Variants in NKAIN2 observed in about 807,000 individuals in gnomAD.
NKAIN2 encodes the protein sodium/potassium-transporting ATPase subunit beta-1-interacting protein 2.
A neutral mutation model predicts 32.6 loss-of-function variants in NKAIN2; 14 were observed. The ratio of observed to expected loss-of-function variants is 0.43; its 90% CI spans 0.28 to 0.67. The LOEUF (loss-of-function observed/expected upper bound fraction) is 0.67. NKAIN2 is among the 30% of genes least tolerant of loss of function. The pLI is 0.17. For missense variants in NKAIN2, 198 were observed against 258.3 expected (o/e 0.77, Z 1.60); for synonymous variants, 80 against 87.2 (o/e 0.92, Z 0.46).
chr6:124,266,053 A>G lies in NKAIN2; in HGVS notation c.55-16952A>G, dbSNP rs531699711. On this transcript the variant is annotated intron_variant, in intron 1 of 6. Coordinates refer to ENST00000368417, the MANE Select transcript of NKAIN2 (RefSeq NM_001040214.3). ...CTTAGTTATGATTTTTATTCTGTCT[A>G]CTTGATTGTTCACACCTGAAGCAAA... is the stretch of plus-strand genomic sequence containing the variant. 3.3e-5 allele frequency among the ~76,000 whole-genome samples: 5 copies of G among 152,300 alleles called. No homozygotes were observed. In the East Asian group the frequency reaches 5.8e-4, roughly 18 times the overall value.
At chr6:124,359,351 A>G (rs1229334384) in intron 3 of NKAIN2, among the ~76,000 whole-genome samples, 1 of 152,126 alleles carries the variant, frequency 6.6e-6, no homozygotes, top group Non-Finnish European at 1.5e-5. Context: ...GAATCTATAA[A>G]TTACCTTGGG....
intron 3 of NKAIN2, among the ~76,000 whole-genome samples, chr6:124,368,851 T>C (rs1242579565): frequency 6.6e-6 from 1 of 152,200 alleles, no homozygotes; most frequent in Non-Finnish European, 1.5e-5. Context: ...TTACCCAACA[T>C]TTCTTTCTCA....
At chr6:124,761,169 T>G (rs1175526509) in intron 4 of NKAIN2, among the ~76,000 whole-genome samples, 1 of 152,224 alleles carries the variant, frequency 6.6e-6, no homozygotes, top group Non-Finnish European at 1.5e-5. Flanking sequence ...AAATTCCTTA[T>G]AGTAACCAAC....
chr6:124,075,280 G>A (rs766095808), intron 1 of NKAIN2, among the ~76,000 whole-genome samples: 1 of 152,076 alleles, frequency 6.6e-6, no homozygotes, highest in Non-Finnish European at 1.5e-5. Flanking sequence ...GAAAAGTTGG[G>A]TAGATTTTCA....
At position 124,111,605 on chromosome 6, in the gene NKAIN2, CT is replaced by C. The variant is rs975821722; in HGVS notation, c.55-171392del. Among the ~76,000 whole-genome samples, 8 of 151,584 alleles carry C rather than the reference CT, an allele frequency of 5.3e-5. No individual in the cohort carries two copies. The East Asian group carries it at 7.7e-4, about 15-fold the overall frequency. On this transcript the variant is annotated intron_variant, in intron 1 of 6. Coordinates refer to ENST00000368417, the MANE Select transcript of NKAIN2 (RefSeq NM_001040214.3). The stretch of plus-strand genomic sequence containing the variant: ...ATGTGTGTCCTTAAATCTAAAGTTT[CT>C]TTTTTTTAATCTGTTCAGTCACTCT...
intron 6 of NKAIN2, chr6:124,819,245 C>T (rs924112556): frequency 1.9e-5 from 5 of 264,462 alleles, no homozygotes; most frequent in Non-Finnish European, 2.9e-5. Context: ...TTGTCCTCCA[C>T]CATTGAATCA....
Position 124,130,612 on chromosome 6 carries a change from A to AT in NKAIN2, c.55-152379dup, listed in dbSNP as rs11320716. On this transcript the variant is annotated intron_variant, in intron 1 of 6. Coordinates refer to ENST00000368417, the MANE Select transcript of NKAIN2 (RefSeq NM_001040214.3). The stretch of plus-strand genomic sequence containing the variant: ...GTAAGTGAATTTAATGTTTGCCCTT[A>AT]TTTTTTTTTTTTTTGGTAGAATGTT... 1.9e-3 allele frequency among the ~76,000 whole-genome samples: 276 copies of AT among 145,586 alleles called. 1 individual carries two copies. Among genetic ancestry groups the AT allele is most frequent in the South Asian group, 8.9e-3 (41 of 4,612 alleles).
At position 124,442,457 on chromosome 6, in the gene NKAIN2, C is replaced by T. The variant is rs548036411; in HGVS notation, c.273+87110C>T. On this transcript the variant is annotated intron_variant, in intron 3 of 6. Transcript: ENST00000368417. ...CTTCTGCCAGCTAGTTATAAAGGAC[C>T]TCCCTCCCATTCAGCCATATGAATT... Among the ~76,000 whole-genome samples the T allele has an allele frequency of 3.9e-5, 6 of 152,136 alleles. No homozygotes were observed. In the East Asian group the frequency reaches 1.2e-3, roughly 29 times the overall value.
chr6:124,182,164 C>A (rs915649034), intron 1 of NKAIN2, among the ~76,000 whole-genome samples: 1 of 152,072 alleles, frequency 6.6e-6, no homozygotes, highest in African/African-American at 2.4e-5. Flanking sequence ...TTTATAAAAC[C>A]ATCGTATCTC....
chr6:123,982,925 C>A (rs1487252650), intron 1 of NKAIN2, among the ~76,000 whole-genome samples: 1 of 151,994 alleles, frequency 6.6e-6, no homozygotes, highest in African/African-American at 2.4e-5. Context: ...TCCCATTTTC[C>A]CCTTCTCTCT....
intron 1 of NKAIN2, among the ~76,000 whole-genome samples, chr6:124,113,665 A>G (rs1169355080): frequency 6.6e-6 from 1 of 151,764 alleles, no homozygotes; most frequent in East Asian, 1.9e-4. Flanking sequence ...GGAACTGAAC[A>G]TGGGATCCAA....
chr6:124,064,493 T>C (rs1001011176), intron 1 of NKAIN2, among the ~76,000 whole-genome samples: 4 of 151,932 alleles, frequency 2.6e-5, no homozygotes, highest in Admixed American at 1.3e-4. Context: ...GTTTTTTTTT[T>C]CCAGAAACAT....
At chr6:124,084,315 G>A (rs922126035) in intron 1 of NKAIN2, among the ~76,000 whole-genome samples, 3 of 151,918 alleles carry the variant, frequency 2.0e-5, no homozygotes, top group Non-Finnish European at 2.9e-5. Flanking sequence ...TTATAATACT[G>A]TAATTTTATT....
chr6:124,012,706 C>T (rs776367865), intron 1 of NKAIN2, among the ~76,000 whole-genome samples: 1 of 152,088 alleles, frequency 6.6e-6, no homozygotes, highest in Non-Finnish European at 1.5e-5. Context: ...TATGGATGTA[C>T]CACATTTTGT....
chr6:124,602,665 G>A (rs1157470725), intron 3 of NKAIN2, among the ~76,000 whole-genome samples: 1 of 151,758 alleles, frequency 6.6e-6, no homozygotes, highest in Non-Finnish European at 1.5e-5. Context: ...TTTTTCTTTT[G>A]TTCTTTGTTC....
intron 3 of NKAIN2, among the ~76,000 whole-genome samples, chr6:124,369,038 A>T (rs1454468155): frequency 6.6e-6 from 1 of 152,198 alleles, no homozygotes; most frequent in Non-Finnish European, 1.5e-5. Flanking sequence ...GGATATTACT[A>T]ACTCAGAAGA....
At chr6:124,037,870 T>C (rs755811962) in intron 1 of NKAIN2, among the ~76,000 whole-genome samples, 5 of 152,060 alleles carry the variant, frequency 3.3e-5, no homozygotes, top group Non-Finnish European at 5.9e-5. Flanking sequence ...GGAAAGGTAG[T>C]ATAAGAAATG....
intron 1 of NKAIN2, among the ~76,000 whole-genome samples, chr6:123,881,364 C>A (rs1352675): frequency 0.31 from 46,883 of 151,964 alleles, 8,204 homozygotes; most frequent in East Asian, 0.49. Flanking sequence ...AAAATAGAAA[C>A]AAGTTTGTAA....
chr6:124,127,234 C>T (rs1376596750), intron 1 of NKAIN2, among the ~76,000 whole-genome samples: 1 of 152,166 alleles, frequency 6.6e-6, no homozygotes, highest in Non-Finnish European at 1.5e-5. Context: ...GAAAAAGCAG[C>T]TGTCCCAGGC....
Sources: gnomAD v4.1 joint callset for allele counts (sites outside exome capture counted in the v4.1 genomes callset) on GRCh38, gnomAD v4.1.1 for gene constraint, MANE v1.5 for transcripts, NCBI Gene and HGNC (gene_info 2026-07-23, HGNC 2026-07-21) for gene names.